SCHIP1: variants seen among roughly 807,000 people sequenced by gnomAD.
SCHIP1 encodes schwannomin interacting protein 1.
Under a neutral mutation model 29.7 loss-of-function variants are expected in SCHIP1, and 8 were observed. That is an observed-to-expected ratio of 0.27 (90% CI 0.16 to 0.49). The LOEUF is 0.49. SCHIP1 is among the 20% of genes least tolerant of loss of function. The pLI, the probability that SCHIP1 is intolerant of heterozygous loss-of-function variation, is 0.99. For synonymous variants in SCHIP1, 76 were observed against 94.9 expected, an observed-to-expected ratio of 0.80 and a Z score of 1.16; for missense variants, 193 against 294.6, an observed-to-expected ratio of 0.66 and a Z score of 2.52.
At chr3:159,390,789 A>G in the SCHIP1 span, among the ~76,000 whole-genome samples, 1 of 152,102 alleles carries the variant, frequency 6.6e-6, no homozygotes, top group Admixed American at 6.6e-5. Context: ...TGAAGGCACA[A>G]TTGTGTAGAC....
intron 1 of SCHIP1, among the ~76,000 whole-genome samples, chr3:159,849,729 G>A (rs1218594185): frequency 6.6e-6 from 1 of 152,188 alleles, no homozygotes; most frequent in East Asian, 1.9e-4. Context: ...GCATCCAGGT[G>A]GGGTGTGGTA....
At chr3:159,726,952 A>G in the SCHIP1 span, among the ~76,000 whole-genome samples, 1 of 152,186 alleles carries the variant, frequency 6.6e-6, no homozygotes, top group South Asian at 2.1e-4. Context: ...TGTAACCTGT[A>G]TAAGTGGCAA....
the SCHIP1 span, among the ~76,000 whole-genome samples, chr3:159,776,605 T>C: frequency 3.9e-5 from 6 of 152,252 alleles, no homozygotes; most frequent in Non-Finnish European, 7.3e-5. Flanking sequence ...GAGCTCGTTC[T>C]AGAAGAACAA....
the SCHIP1 span, among the ~76,000 whole-genome samples, chr3:159,551,573 G>T: frequency 6.6e-6 from 1 of 152,080 alleles, no homozygotes; most frequent in African/African-American, 2.4e-5. Context: ...AAATAATAAT[G>T]AACTGTATAA....
the SCHIP1 span, among the ~76,000 whole-genome samples, chr3:159,338,870 A>G: frequency 6.6e-6 from 1 of 152,178 alleles, no homozygotes; most frequent in Non-Finnish European, 1.5e-5. Flanking sequence ...TGTATCATCC[A>G]TGCTGAAATT....
At chr3:159,883,335 G>A (rs1390920084) in intron 2 of SCHIP1, among the ~76,000 whole-genome samples, 1 of 152,160 alleles carries the variant, frequency 6.6e-6, no homozygotes, top group East Asian at 1.9e-4. Context: ...GACTGGTTAT[G>A]AGGGCAGCCA....
chr3:159,671,448 C>A, the SCHIP1 span, among the ~76,000 whole-genome samples: 1 of 152,192 alleles, frequency 6.6e-6, no homozygotes, highest in African/African-American at 2.4e-5. Context: ...CATCTCTCTG[C>A]CTCACTCCCA....
chr3:159,596,356 G>A, the SCHIP1 span, among the ~76,000 whole-genome samples: 1 of 152,198 alleles, frequency 6.6e-6, no homozygotes, highest in Non-Finnish European at 1.5e-5. Flanking sequence ...TGGTGGAACT[G>A]TAAACTAGTT....
At chr3:159,719,020 G>T in the SCHIP1 span, among the ~76,000 whole-genome samples, 1 of 152,094 alleles carries the variant, frequency 6.6e-6, no homozygotes, top group African/African-American at 2.4e-5. Context: ...GCATGGTACT[G>T]GTACCAAAAC....
chr3:159,761,811 G>T, the SCHIP1 span, among the ~76,000 whole-genome samples: 1 of 152,112 alleles, frequency 6.6e-6, no homozygotes. Flanking sequence ...TTTTTCTTAG[G>T]CCTTATTTTG....
chr3:159,893,158 A>T (rs1257857420), intron 6 of SCHIP1: 1 of 152,264 alleles, frequency 6.6e-6, no homozygotes, highest in African/African-American at 2.4e-5. Flanking sequence ...TAATGCTGCA[A>T]TGATATAAAA....
the SCHIP1 span, among the ~76,000 whole-genome samples, chr3:159,648,599 C>T: frequency 6.6e-6 from 1 of 152,114 alleles, no homozygotes; most frequent in Non-Finnish European, 1.5e-5. Flanking sequence ...TCATCTTTCC[C>T]TTTTATGCTG....
chr3:159,619,388 G>C, the SCHIP1 span, among the ~76,000 whole-genome samples: 1 of 152,144 alleles, frequency 6.6e-6, no homozygotes, highest in Non-Finnish European at 1.5e-5. Context: ...TGTACCTCTG[G>C]AGTGCAACTG....
chr3:159,568,098 G>A, the SCHIP1 span, among the ~76,000 whole-genome samples: 1 of 151,850 alleles, frequency 6.6e-6, no homozygotes. Context: ...TTTATAGATT[G>A]TCACTGTTTG....
At chr3:159,518,503 C>T in the SCHIP1 span, among the ~76,000 whole-genome samples, 2 of 151,962 alleles carry the variant, frequency 1.3e-5, no homozygotes, top group African/African-American at 4.8e-5. Flanking sequence ...ATGGAAAACT[C>T]GTAGACTTAT....
At chr3:159,718,252 A>G in the SCHIP1 span, among the ~76,000 whole-genome samples, 1 of 152,230 alleles carries the variant, frequency 6.6e-6, no homozygotes, top group Non-Finnish European at 1.5e-5. Context: ...AGAGCTATTT[A>G]TGACAAATCC....
the SCHIP1 span, among the ~76,000 whole-genome samples, chr3:159,507,557 G>C: frequency 5.3e-5 from 8 of 152,124 alleles, no homozygotes; most frequent in African/African-American, 1.9e-4. Context: ...TTTTCAAAGG[G>C]AATGCTTCCA....
the SCHIP1 span, among the ~76,000 whole-genome samples, chr3:159,608,841 GATTA>G: frequency 6.6e-6 from 1 of 152,136 alleles, no homozygotes; most frequent in Admixed American, 6.6e-5. Context: ...TAAACAAGCC[GATTA>G]ATTACTCCAA....
At chr3:159,688,998 T>C in the SCHIP1 span, among the ~76,000 whole-genome samples, 2 of 152,188 alleles carry the variant, frequency 1.3e-5, no homozygotes, top group African/African-American at 4.8e-5. Context: ...TTGGTTACTG[T>C]AGGCTTGTAG....
Sources: gnomAD v4.1 joint callset for allele counts (sites outside exome capture counted in the v4.1 genomes callset) on GRCh38, gnomAD v4.1.1 for gene constraint, MANE v1.5 for transcripts, NCBI Gene and HGNC (gene_info 2026-07-23, HGNC 2026-07-21) for gene names.